Variants in RGS10 observed in about 807,000 individuals in gnomAD.
The protein encoded by RGS10 is regulator of G protein signaling 10.
A neutral mutation model predicts 23.5 loss-of-function variants in RGS10; 11 were observed. The ratio of observed to expected loss-of-function variants is 0.47; its 90% CI spans 0.29 to 0.77. The LOEUF is 0.77. Among genes scored for constraint, RGS10 ranks in the 30% least tolerant of loss-of-function variants. The probability of loss-of-function intolerance (pLI) is 0.08; values close to 1 mark genes in which losing one functional copy is unlikely to be tolerated. For synonymous variants in RGS10, 77 were observed against 83.2 expected, an observed-to-expected ratio of 0.92 and a Z score of 0.41; for missense variants, 180 against 226.3, an observed-to-expected ratio of 0.80 and a Z score of 1.31.
chr10:119,500,986 G>A (rs946500397), intron 4 of RGS10, among the ~76,000 whole-genome samples: 4 of 151,950 alleles, frequency 2.6e-5, no homozygotes, highest in Admixed American at 1.3e-4. Flanking sequence ...TGCCCCCGCC[G>A]GCATGGCAGG....
intron 4 of RGS10, among the ~76,000 whole-genome samples, chr10:119,502,544 A>G (rs1330443095): frequency 6.6e-6 from 1 of 152,036 alleles, no homozygotes; most frequent in Non-Finnish European, 1.5e-5. Flanking sequence ...TGAGGCTCAG[A>G]CTTCAAAGTA....
chr10:119,500,050 G>T lies in RGS10; in HGVS notation c.*63C>A. On this transcript the variant is annotated 3_prime_UTR_variant, in exon 5 of 5. Transcript: ENST00000369103. ...CAAATAACAAAGCAATGATAAACCC[G>T]GCACGGTCCTGAGAGGAAATTCCTT... 1 of 1,552,112 alleles carries T rather than the reference G, an allele frequency of 6.4e-7. No individual in the cohort carries two copies. The highest frequency in any genetic ancestry group is 8.8e-7 in the Non-Finnish European group (1 of 1,141,516).
At chr10:119,522,881 CT>C (rs35536168) in intron 3 of RGS10, among the ~76,000 whole-genome samples, 5,648 of 147,678 alleles carry the variant, frequency 0.038, 150 homozygotes, top group East Asian at 0.095. Context: ...GCTCTGAATT[CT>C]TTTTTTTTTT....
At chr10:119,535,467 C>T (rs1844377943) in intron 1 of RGS10, among the ~76,000 whole-genome samples, 1 of 152,124 alleles carries the variant, frequency 6.6e-6, no homozygotes, top group Non-Finnish European at 1.5e-5. Flanking sequence ...TTTTATGATG[C>T]ATTATTTATA....
At chr10:119,529,459 G>A (rs755251188) in intron 1 of RGS10, among the ~76,000 whole-genome samples, 8 of 151,932 alleles carry the variant, frequency 5.3e-5, no homozygotes, top group Non-Finnish European at 8.8e-5. Flanking sequence ...TGACTCAAAC[G>A]AAACAAAACA....
At chr10:119,539,258 A>G (rs887994330) in intron 1 of RGS10, among the ~76,000 whole-genome samples, 6 of 152,262 alleles carry the variant, frequency 3.9e-5, no homozygotes, top group African/African-American at 1.4e-4. Flanking sequence ...GTTAAAACAA[A>G]GACATTAAAT....
chr10:119,513,321 A>G (rs1844099009), intron 4 of RGS10, among the ~76,000 whole-genome samples: 1 of 152,096 alleles, frequency 6.6e-6, no homozygotes, highest in African/African-American at 2.4e-5. Context: ...TTAGCTGGGC[A>G]TGGTGGCACA....
At chr10:119,541,211 G>A (rs987294694) in intron 1 of RGS10, among the ~76,000 whole-genome samples, 6 of 152,162 alleles carry the variant, frequency 3.9e-5, no homozygotes, top group African/African-American at 1.4e-4. Flanking sequence ...TCCAGGCTCT[G>A]AGCAGCGCTC....
chr10:119,525,414 C>A (rs753468318), intron 3 of RGS10, among the ~76,000 whole-genome samples: 5 of 152,184 alleles, frequency 3.3e-5, no homozygotes, highest in African/African-American at 4.8e-5. Flanking sequence ...CTGGCTCCTG[C>A]AGGCATTTAG....
At chr10:119,513,810 C>G (rs1844106381) in intron 4 of RGS10, among the ~76,000 whole-genome samples, 4 of 152,220 alleles carry the variant, frequency 2.6e-5, no homozygotes, top group Admixed American at 2.6e-4. Flanking sequence ...CAGCAAGAGG[C>G]TGCCCAGGAG....
intron 3 of RGS10, among the ~76,000 whole-genome samples, chr10:119,521,412 A>G (rs1260009458): frequency 2.0e-5 from 3 of 151,688 alleles, no homozygotes; most frequent in African/African-American, 7.3e-5. Flanking sequence ...CTCTACTAAA[A>G]ATACAAAATT....
Position 119,524,137 on chromosome 10 carries a change from C to T in RGS10, c.255+1895G>A, listed in dbSNP as rs944798832. On this transcript the variant is annotated intron_variant, in intron 3 of 4. Transcript: ENST00000369103. The surrounding 1 kb of genome is among the most constrained non-coding windows in gnomAD (Gnocchi z 5.2). Reference sequence around the variant, plus strand: ...CCCACGACACATGTGCTTCCCATCTCTACACTCATTGCACTTGCACAGGCT... The same window carrying T: ...CCCACGACACATGTGCTTCCCATCTTTACACTCATTGCACTTGCACAGGCT... Among the ~76,000 whole-genome samples, 3 of 152,220 alleles carry T rather than the reference C, an allele frequency of 2.0e-5. No homozygotes were observed. The highest frequency in any genetic ancestry group is 2.9e-5 in the Non-Finnish European group (2 of 68,044).
At chr10:119,519,932 T>C (rs528039885) in intron 3 of RGS10, among the ~76,000 whole-genome samples, 1 of 152,338 alleles carries the variant, frequency 6.6e-6, no homozygotes, top group South Asian at 2.1e-4. Context: ...AGTTGGTTTC[T>C]AGCAATGTGG....
At chr10:119,539,640 T>C (rs1305882324) in intron 1 of RGS10, among the ~76,000 whole-genome samples, 1 of 152,142 alleles carries the variant, frequency 6.6e-6, no homozygotes, top group Non-Finnish European at 1.5e-5. Flanking sequence ...GGGCAAGGCC[T>C]GAGAAGCTGC....
intron 4 of RGS10, among the ~76,000 whole-genome samples, chr10:119,502,159 T>A (rs998966979): frequency 6.6e-6 from 1 of 152,036 alleles, no homozygotes; most frequent in Non-Finnish European, 1.5e-5. Flanking sequence ...TTTTTTTTAA[T>A]CCCAGAAAAT....
Position 119,524,569 on chromosome 10 carries a change from G to T in RGS10, c.255+1463C>A, listed in dbSNP as rs770091538. Reference sequence around the variant, plus strand: ...ATGGTGGTCCCCAGGCCCTGTCCTCGGTGCTGGAGACAAAGGACAACAATG... The same window carrying T: ...ATGGTGGTCCCCAGGCCCTGTCCTCTGTGCTGGAGACAAAGGACAACAATG... On this transcript the variant is annotated intron_variant, in intron 3 of 4. Transcript: ENST00000369103. This position sits in a 1 kb window ranked among gnomAD's most constrained non-coding sequence, Gnocchi z 5.2. Among the ~76,000 whole-genome samples, 1 of 152,084 alleles carries T rather than the reference G, an allele frequency of 6.6e-6. No homozygotes were observed. Among genetic ancestry groups the T allele is most frequent in the South Asian group, 2.1e-4 (1 of 4,820 alleles).
rs192319042 is a variant in RGS10 at position 119,539,295 on chromosome 10, A to T, written c.49+3295T>A. 1.0e-4 allele frequency among the ~76,000 whole-genome samples: 16 copies of T among 152,388 alleles called. No homozygotes were observed. In the East Asian group the frequency reaches 3.1e-3, roughly 29 times the overall value. ...GCTGTGCAAACTGTCATCTTTAAAT[A>T]AAACAAGCCCAGCCATAAACTTAAA... On this transcript the variant is annotated intron_variant, in intron 1 of 4. Coordinates refer to ENST00000369103, the MANE Select transcript of RGS10 (RefSeq NM_001005339.2).
intron 4 of RGS10, among the ~76,000 whole-genome samples, chr10:119,513,245 C>T (rs757194916): frequency 1.3e-5 from 2 of 152,050 alleles, no homozygotes; most frequent in Non-Finnish European, 2.9e-5. Flanking sequence ...ATTGCCTGAG[C>T]TCAGGAGTTC....
rs556908305 is a variant in RGS10 at position 119,517,521 on chromosome 10, C to T, written c.256-1869G>A. Among the ~76,000 whole-genome samples, 22 of 152,310 alleles carry T rather than the reference C, an allele frequency of 1.4e-4. No individual in the cohort carries two copies. Among genetic ancestry groups the T allele is most frequent in the African/African-American group, 4.6e-4 (19 of 41,560 alleles). ...CAGCCTCCCTCCACCACCCCCATTC[C>T]GTCAGGAAGCAACCCTTTTGGAAAA... On this transcript the variant is annotated intron_variant, in intron 3 of 4. Transcript: ENST00000369103. This position sits in a 1 kb window ranked among gnomAD's most constrained non-coding sequence, Gnocchi z 5.0.
Sources: allele counts gnomAD v4.1 joint callset (sites outside exome capture counted in the v4.1 genomes callset), GRCh38; gene constraint gnomAD v4.1.1; non-coding constraint Gnocchi (gnomAD v3.1); transcripts MANE v1.5; gene names NCBI Gene and HGNC (gene_info 2026-07-23, HGNC 2026-07-21).